The following MAGI3 variants were observed in gnomAD, a reference collection of about 807,000 sequenced individuals.
MAGI3 encodes the protein membrane associated guanylate kinase, WW and PDZ domain containing 3.
In MAGI3, 43 loss-of-function variants were observed where a neutral mutation model predicts 121.8. The ratio of observed to expected loss-of-function variants is 0.35; its 90% CI spans 0.28 to 0.46. The LOEUF is 0.46. MAGI3 is among the 20% of genes least tolerant of loss of function. The pLI is 1.00. For synonymous variants in MAGI3, 553 were observed against 639.3 expected (o/e 0.86, Z 2.04); for missense variants, 1,547 against 1,797.3 (o/e 0.86, Z 2.52).
intron 1 of MAGI3, among the ~76,000 whole-genome samples, chr1:113,473,343 G>T (rs1185295982): frequency 1.3e-5 from 2 of 152,054 alleles, no homozygotes; most frequent in Non-Finnish European, 2.9e-5. Context: ...CATGTGCCAT[G>T]TTGGTTTGCT....
chr1:113,449,987 G>A, intron 1 of MAGI3: 1 of 1,566,994 alleles, frequency 6.4e-7, no homozygotes, highest in South Asian at 1.1e-5. Context: ...ATTCTGTAAA[G>A]CCTGGTGCCC....
At chr1:113,600,186 A>G (rs567211199) in intron 6 of MAGI3, among the ~76,000 whole-genome samples, 71 of 152,134 alleles carry the variant, frequency 4.7e-4, no homozygotes, top group Non-Finnish European at 8.5e-4. Flanking sequence ...CTCTCTCACC[A>G]CTCCTATTCA....
At chr1:113,564,790 T>C (rs1199287758) in intron 2 of MAGI3, among the ~76,000 whole-genome samples, 1 of 152,142 alleles carries the variant, frequency 6.6e-6, no homozygotes, top group Non-Finnish European at 1.5e-5. Flanking sequence ...CACATACGTA[T>C]TTAGTATTTG....
chr1:113,560,119 A>T (rs1660162072), intron 2 of MAGI3, among the ~76,000 whole-genome samples: 1 of 151,074 alleles, frequency 6.6e-6, no homozygotes, highest in Non-Finnish European at 1.5e-5. Flanking sequence ...TGATCACATA[A>T]TCAGAAGTAA....
At chr1:113,661,785 T>C (rs1238080360) in intron 16 of MAGI3, among the ~76,000 whole-genome samples, 2 of 152,234 alleles carry the variant, frequency 1.3e-5, no homozygotes, top group African/African-American at 2.4e-5. Flanking sequence ...GTATATTTCA[T>C]ATGCAGCCAC....
chr1:113,682,922 G>C lies in MAGI3; in HGVS notation c.3354G>C (p.Ser1118=). Residue 1118 remains serine (S), a synonymous_variant, in exon 21 of 21, where the codon TCG becomes TCC. Transcript: ENST00000307546. The stretch of plus-strand genomic sequence containing the variant: ...GTGATTGGGATATTAATAATCCTTC[G>C]TCTTCAAATGTGATTTATGATGAAC... ...DHGDWDINNP[S]SSNVIYDEQS... 1 of 1,587,602 alleles carries C rather than the reference G, an allele frequency of 6.3e-7. No individual in the cohort carries two copies. Among genetic ancestry groups the C allele is most frequent in the Non-Finnish European group, 8.5e-7 (1 of 1,170,608 alleles).
intron 10 of MAGI3, 129 bp from the exon 11 acceptor site, chr1:113,643,614 A>G (rs1409502488): frequency 4.7e-5 from 37 of 784,074 alleles, no homozygotes; most frequent in Middle Eastern, 2.3e-4. Flanking sequence ...TGCCTGGTAC[A>G]TAGGAGGTTA....
At chr1:113,530,339 A>G (rs1018448574) in intron 1 of MAGI3, among the ~76,000 whole-genome samples, 1 of 150,376 alleles carries the variant, frequency 6.6e-6, no homozygotes, top group Non-Finnish European at 1.5e-5. Flanking sequence ...AAAAAAAAAG[A>G]CAACTTAACG....
intron 1 of MAGI3, among the ~76,000 whole-genome samples, chr1:113,415,850 C>T (rs113379354): frequency 3.0e-4 from 46 of 151,930 alleles, no homozygotes; most frequent in African/African-American, 9.2e-4. Context: ...TAAATGAGTG[C>T]GTTTTATATT....
chr1:113,474,965 G>A (rs933791661), intron 1 of MAGI3, among the ~76,000 whole-genome samples: 17 of 152,136 alleles, frequency 1.1e-4, no homozygotes, highest in African/African-American at 3.9e-4. Context: ...ATCCCTTGTA[G>A]GTTGGATTCC....
intron 3 of MAGI3, among the ~76,000 whole-genome samples, chr1:113,582,473 T>G (rs1025814386): frequency 4.0e-5 from 6 of 151,876 alleles, no homozygotes; most frequent in African/African-American, 1.5e-4. Context: ...GGTATCAACA[T>G]TAATAGGTCT....
At chr1:113,635,668 G>C (rs1487418725) in intron 9 of MAGI3, among the ~76,000 whole-genome samples, 2 of 152,126 alleles carry the variant, frequency 1.3e-5, no homozygotes, top group Admixed American at 1.3e-4. Context: ...GTTCATCAAG[G>C]ATATTGGTCT....
rs555434822 is a variant in MAGI3 at position 113,603,940 on chromosome 1, A to G, written c.1018+9380A>G. Among the ~76,000 whole-genome samples the G allele has an allele frequency of 4.6e-5, 7 of 152,316 alleles. No individual in the cohort carries two copies. In the South Asian group the frequency reaches 1.5e-3, roughly 32 times the overall value. ...GGATGCGTAAATTAAAACCACAATGAGATACCACCTTATTCCAGCCAGAGT... is the reference window on the plus strand; with the variant it reads ...GGATGCGTAAATTAAAACCACAATGGGATACCACCTTATTCCAGCCAGAGT... On this transcript the variant is annotated intron_variant, in intron 6 of 20. Transcript: ENST00000307546.
At chr1:113,523,069 G>A (rs190091032) in intron 1 of MAGI3, among the ~76,000 whole-genome samples, 11 of 152,228 alleles carry the variant, frequency 7.2e-5, no homozygotes, top group African/African-American at 2.4e-4. Context: ...TAAGTCTCAC[G>A]AGATCTGATG....
intron 7 of MAGI3, 105 bp from the exon 8 acceptor site, chr1:113,619,631 A>G (rs753279344): frequency 1.6e-5 from 12 of 747,576 alleles, no homozygotes; most frequent in African/African-American, 5.3e-5. Context: ...CTAAAGATAC[A>G]TATTTGTCCC....
intron 1 of MAGI3, among the ~76,000 whole-genome samples, chr1:113,447,190 G>T (rs987586363): frequency 2.0e-5 from 3 of 152,158 alleles, no homozygotes; most frequent in African/African-American, 7.2e-5. Flanking sequence ...TCTATTTTGT[G>T]CTGCTGTAAC....
chr1:113,569,750 A>G (rs1238287428), intron 2 of MAGI3, among the ~76,000 whole-genome samples: 1 of 152,202 alleles, frequency 6.6e-6, no homozygotes, highest in Admixed American at 6.5e-5. Context: ...AAATCTTTCA[A>G]TTATAATTGC....
In MAGI3 at chr1:113,683,839, CAG is replaced by C. The variant is rs767051128; in HGVS notation, c.4273_4274del (p.Glu1425ArgfsTer11). 1.9e-6 allele frequency: 3 copies of C among 1,612,048 alleles called. No individual in the cohort carries two copies. Among genetic ancestry groups the C allele is most frequent in the Middle Eastern group, 1.7e-4 (1 of 6,054 alleles). The stretch of plus-strand genomic sequence containing the variant: ...GAAGAGAAGGTAGTTTCAAACAAAA[CAG>C]AAGATCACAAAGGGAAAGAACTAGA... On this transcript the variant is annotated frameshift_variant, in exon 21 of 21. Transcript: ENST00000307546. LOFTEE classifies it low-confidence loss of function (END_TRUNC).
At chr1:113,412,409 A>G (rs1322129424) in intron 1 of MAGI3, among the ~76,000 whole-genome samples, 2 of 152,166 alleles carry the variant, frequency 1.3e-5, no homozygotes, top group Non-Finnish European at 2.9e-5. Flanking sequence ...TGCTGAGTCA[A>G]ATGGTAATTC....
Sources: allele counts gnomAD v4.1 joint callset (sites outside exome capture counted in the v4.1 genomes callset), GRCh38; gene constraint gnomAD v4.1.1; transcripts MANE v1.5; gene names NCBI Gene and HGNC (gene_info 2026-07-23, HGNC 2026-07-21).